The following BMERB1 variants were observed in gnomAD, a reference collection of about 807,000 sequenced individuals.
BMERB1 encodes the protein bMERB domain containing 1, also known as bMERB domain-containing protein 1.
A neutral mutation model predicts 23.6 loss-of-function variants in BMERB1; 12 were observed. That is an observed-to-expected ratio of 0.51 (90% CI 0.33 to 0.82). The LOEUF is 0.82. Among genes scored for constraint, BMERB1 ranks in the 40% least tolerant of loss-of-function variants. The pLI is 0.03. For synonymous variants in BMERB1, 122 were observed against 96.6 expected (o/e 1.26, Z -1.54); for missense variants, 247 against 255.4 (o/e 0.97, Z 0.22).
chr16:15,539,145 T>C (rs2052055137), intron 2 of BMERB1, among the ~76,000 whole-genome samples: 1 of 152,202 alleles, frequency 6.6e-6, no homozygotes, highest in Admixed American at 6.5e-5. Flanking sequence ...GAGCTTGTTT[T>C]CCTGCAACAA....
chr16:15,578,122 A>G (rs1332125857), intron 3 of BMERB1, among the ~76,000 whole-genome samples: 1 of 152,092 alleles, frequency 6.6e-6, no homozygotes, highest in Admixed American at 6.5e-5. Flanking sequence ...TCTAACAGTA[A>G]CACACACAAT....
chr16:15,494,294 A>T (rs773296848), intron 1 of BMERB1, among the ~76,000 whole-genome samples: 49 of 151,992 alleles, frequency 3.2e-4, no homozygotes, highest in Non-Finnish European at 6.5e-4. Context: ...GGAAGTATAT[A>T]CTTTATTCTC....
At chr16:15,556,965 A>G (rs751600241) in intron 2 of BMERB1, among the ~76,000 whole-genome samples, 2 of 152,296 alleles carry the variant, frequency 1.3e-5, no homozygotes, top group South Asian at 2.1e-4. Flanking sequence ...AATAAAGACT[A>G]TTTTTAAAAG....
intron 4 of BMERB1, among the ~76,000 whole-genome samples, chr16:15,582,711 G>A (rs538355407): frequency 5.9e-5 from 9 of 152,160 alleles, no homozygotes; most frequent in East Asian, 3.9e-4. Context: ...AAGAAAGACC[G>A]TGTCTCTTCA....
rs774570609 is a variant in BMERB1, at chr16:15,434,772, G to GC, written c.106+14dup. The GC allele has an allele frequency of 2.3e-6, 1 of 440,666 alleles. No individual in the cohort carries two copies. The highest frequency in any genetic ancestry group is 4.5e-6 in the Non-Finnish European group (1 of 224,068). 27.3% of individuals were successfully genotyped at this position (440,666 alleles called of 1,614,324 possible). A position where few individuals can be genotyped will look rare whatever the true frequency, so the allele number is the denominator to read the frequency against. On this transcript the variant is annotated intron_variant, in intron 1 of 5. Transcript: ENST00000300006. ...AGACTGGGGAGAAGTGAGTACTGGGGCGGGGGGCGGGGGGCCGGGGACAGC... is the reference window on the plus strand; with the variant it reads ...AGACTGGGGAGAAGTGAGTACTGGGGCCGGGGGGCGGGGGGCCGGGGACAGC...
chr16:15,459,879 T>C (rs1380938896), intron 1 of BMERB1, among the ~76,000 whole-genome samples: 2 of 152,166 alleles, frequency 1.3e-5, no homozygotes, highest in Middle Eastern at 3.2e-3. Flanking sequence ...GAGCCCGTTT[T>C]AAACATCTGA....
chr16:15,458,774 G>A (rs1241426864), intron 1 of BMERB1, among the ~76,000 whole-genome samples: 2 of 148,274 alleles, frequency 1.3e-5, no homozygotes, highest in Admixed American at 1.4e-4. Context: ...GGAAACCTCA[G>A]AACTACTAAG....
intron 1 of BMERB1, chr16:15,502,300 T>G (rs1257258846): frequency 6.4e-7 from 1 of 1,551,362 alleles, no homozygotes; most frequent in Non-Finnish European, 8.7e-7. Flanking sequence ...GCCTGTCAGT[T>G]TCCTCAGCCG....
At chr16:15,578,684 T>C (rs1041311310) in intron 3 of BMERB1, among the ~76,000 whole-genome samples, 1 of 152,096 alleles carries the variant, frequency 6.6e-6, no homozygotes, top group Non-Finnish European at 1.5e-5. Context: ...GACGGCCTGT[T>C]CCTTATAGAT....
intron 1 of BMERB1, among the ~76,000 whole-genome samples, chr16:15,450,280 C>G (rs1005214273): frequency 6.6e-6 from 1 of 151,904 alleles, no homozygotes; most frequent in African/African-American, 2.4e-5. Context: ...TATTATTATT[C>G]TTTTGATGTT....
chr16:15,465,370 T>G (rs1314736652), intron 1 of BMERB1, among the ~76,000 whole-genome samples: 1 of 135,224 alleles, frequency 7.4e-6, no homozygotes, highest in Non-Finnish European at 1.7e-5. Flanking sequence ...TTTTTTTTTT[T>G]GAGACTGGGT....
intron 2 of BMERB1, among the ~76,000 whole-genome samples, chr16:15,555,996 A>G (rs1017443458): frequency 3.3e-5 from 5 of 152,126 alleles, no homozygotes; most frequent in African/African-American, 9.7e-5. Context: ...CCTGGCCAAC[A>G]TAGTGAAATC....
At chr16:15,550,289 C>T (rs748313198) in intron 2 of BMERB1, among the ~76,000 whole-genome samples, 8 of 150,886 alleles carry the variant, frequency 5.3e-5, no homozygotes, top group Non-Finnish European at 1.2e-4. Flanking sequence ...ATGGAAATTA[C>T]GAGGTGGGAC....
chr16:15,573,121 G>A (rs1221933727), intron 3 of BMERB1, among the ~76,000 whole-genome samples: 1 of 152,158 alleles, frequency 6.6e-6, no homozygotes, highest in Non-Finnish European at 1.5e-5. Flanking sequence ...GGCACAGTAA[G>A]ACCAGCTGTC....
At chr16:15,567,010 C>G (rs1847007361) in intron 2 of BMERB1, among the ~76,000 whole-genome samples, 1 of 151,842 alleles carries the variant, frequency 6.6e-6, no homozygotes, top group Non-Finnish European at 1.5e-5. Context: ...AACGAGGTCC[C>G]TCTCTCTACA....
intron 2 of BMERB1, among the ~76,000 whole-genome samples, chr16:15,521,286 A>G (rs2150955808): frequency 2.0e-5 from 3 of 152,356 alleles, no homozygotes; most frequent in Admixed American, 2.0e-4. Flanking sequence ...TTCAGAGACC[A>G]AAATGATGAG....
At chr16:15,453,602 G>A (rs745962039) in intron 1 of BMERB1, among the ~76,000 whole-genome samples, 5 of 151,618 alleles carry the variant, frequency 3.3e-5, no homozygotes, top group Non-Finnish European at 7.4e-5. Flanking sequence ...GGCTGGGCGA[G>A]GTGGCTCACC....
rs1176347825 is a variant in BMERB1 at position 15,583,952 on chromosome 16, T to G, written c.502+714T>G. ...TCCCTAATTGCAAAGTTTGGTGCAT[T>G]TCATAGAAAGAATTGGGTAGCTACT... is the stretch of plus-strand genomic sequence containing the variant. On this transcript the variant is annotated intron_variant, in intron 5 of 5. Transcript: ENST00000300006. 24 of 696,476 alleles carry G rather than the reference T, an allele frequency of 3.4e-5. 1 individual carries two copies. The highest frequency in any genetic ancestry group is 5.0e-5 in the Non-Finnish European group (19 of 382,404). 43.1% of individuals were successfully genotyped at this position (696,476 alleles called of 1,614,324 possible).
chr16:15,434,815 G>GCGCGGGTGGT, intron 1 of BMERB1, 56 bp downstream of exon 1: 1 of 1,419,492 alleles, frequency 7.0e-7, no homozygotes, highest in Non-Finnish European at 9.5e-7. Context: ...CCATGCGCCT[G>GCGCGGGTGGT]CGCGGGTGGT....
Sources: allele counts gnomAD v4.1 joint callset (sites outside exome capture counted in the v4.1 genomes callset), GRCh38; gene constraint gnomAD v4.1.1; transcripts MANE v1.5; gene names NCBI Gene and HGNC (gene_info 2026-07-23, HGNC 2026-07-21).